The following ACSM3 variants were observed in gnomAD, a reference collection of about 807,000 sequenced individuals.
ACSM3 encodes acyl-CoA synthetase medium chain family member 3, also known as acyl-coenzyme A synthetase ACSM3, mitochondrial.
A neutral mutation model predicts 74.1 loss-of-function variants in ACSM3; 61 were observed. The observed-to-expected ratio is 0.82, with a 90% confidence interval of 0.67 to 1.02. The LOEUF (loss-of-function observed/expected upper bound fraction) is 1.02. ACSM3 is among the 50% of genes least tolerant of loss of function. The probability of loss-of-function intolerance (pLI) is 0.00; values close to 1 mark genes in which losing one functional copy is unlikely to be tolerated. For missense variants in ACSM3, 660 were observed against 697.0 expected (o/e 0.95, Z 0.60); for synonymous variants, 213 against 241.5 (o/e 0.88, Z 1.09).
At chr16:20,741,385 G>A in intron 1 of ACSM3, 2 of 1,229,036 alleles carry the variant, frequency 1.6e-6, no homozygotes, top group Non-Finnish European at 2.2e-6. Context: ...GCGAGGCCAC[G>A]CCCCTACAGC....
chr16:20,703,377 C>T (rs186861449), intron 1 of ACSM3: 1 of 152,314 alleles, frequency 6.6e-6, no homozygotes, highest in East Asian at 1.9e-4. Context: ...ATGGGAATAG[C>T]ATTGAATCTA....
At chr16:20,769,884 T>A (rs754373550) in intron 1 of ACSM3, 100 bp from the exon 2 acceptor site, 1 of 664,714 alleles carries the variant, frequency 1.5e-6, no homozygotes, top group Non-Finnish European at 2.6e-6. Flanking sequence ...AATGGTACTA[T>A]CATGATGATT....
intron 1 of ACSM3, among the ~76,000 whole-genome samples, chr16:20,745,099 C>T (rs2079952271): frequency 6.6e-6 from 1 of 152,210 alleles, no homozygotes; most frequent in Non-Finnish European, 1.5e-5. Flanking sequence ...CCTCGTCCAG[C>T]TCTAAATAAC....
At position 20,784,986 on chromosome 16, in the gene ACSM3, A is replaced by G. The variant is rs750153921; in HGVS notation, c.1022A>G (p.Tyr341Cys). ...RMLVQNDITS[Y>C]KFKSLKHCVS... ...AACTTATCTGGTTTTCTGAGAAGCTATAAGTTTAAAAGCTTAAAGCACTGT... is the reference window on the plus strand; with the variant it reads ...AACTTATCTGGTTTTCTGAGAAGCTGTAAGTTTAAAAGCTTAAAGCACTGT... Residue 341 changes from tyrosine to cysteine, a missense_variant and splice_region_variant, in exon 8 of 14, where the codon TAT becomes TGT. By Grantham distance (194) the Tyr-to-Cys change is radical (BLOSUM62 -2). Coordinates refer to ENST00000289416, the MANE Select transcript of ACSM3 (RefSeq NM_005622.4). The G allele has an allele frequency of 4.3e-5, 70 of 1,611,102 alleles. No individual in the cohort carries two copies. Among genetic ancestry groups the G allele is most frequent in the Non-Finnish European group, 5.5e-5 (65 of 1,179,040 alleles).
intron 7 of ACSM3, among the ~76,000 whole-genome samples, 178 bp downstream of exon 7, chr16:20,781,965 A>G (rs2080362356): frequency 6.6e-6 from 1 of 152,188 alleles, no homozygotes; most frequent in African/African-American, 2.4e-5. Context: ...TACTGTGACC[A>G]GGGCAAGATC....
At chr16:20,678,268 C>T (rs1475830752) in intron 1 of ACSM3, among the ~76,000 whole-genome samples, 2 of 152,022 alleles carry the variant, frequency 1.3e-5, no homozygotes, top group Admixed American at 6.6e-5. Flanking sequence ...TAAAACAGTT[C>T]CACCAAGGAA....
intron 1 of ACSM3, chr16:20,741,481 G>GGGGGGGGGGGGGCCCCCCCCCC: frequency 3.1e-6 from 4 of 1,308,406 alleles, no homozygotes; most frequent in Non-Finnish European, 4.0e-6. Flanking sequence ...CTGGCAGCCG[G>GGGGGGGGGGGGGCCCCCCCCCC]CCCGCCCGCC....
intron 1 of ACSM3, among the ~76,000 whole-genome samples, chr16:20,693,101 C>A (rs1390612735): frequency 6.6e-6 from 1 of 150,556 alleles, no homozygotes; most frequent in African/African-American, 2.5e-5. Flanking sequence ...ACCTGGGAGT[C>A]GGAGGTTGCA....
chr16:20,792,804 T>A, intron 12 of ACSM3: 3 of 716,622 alleles, frequency 4.2e-6, no homozygotes, highest in Non-Finnish European at 3.4e-6. Flanking sequence ...GGTAAATAAG[T>A]AGAGATTTCA....
At chr16:20,731,882 T>A (rs551183807) in intron 1 of ACSM3, 1 of 211,128 alleles carries the variant, frequency 4.7e-6, no homozygotes, top group East Asian at 1.4e-4. Context: ...AACTTGAAAA[T>A]GTTTTGTTAG....
Position 20,769,965 on chromosome 16 carries a change from C to T in ACSM3, c.-51-19C>T, listed in dbSNP as rs1260319813. The T allele has an allele frequency of 1.9e-5, 29 of 1,514,450 alleles. No homozygotes were observed. The East Asian group carries it at 6.5e-4, about 34-fold the overall frequency. 93.8% of individuals were successfully genotyped at this position (1,514,450 alleles called of 1,614,324 possible). A position where few individuals can be genotyped will look rare whatever the true frequency, so the allele number is the denominator to read the frequency against. ...TTCAGGACAGAAACAAATATATGTC[C>T]TTTTTGCTTGTCTTTTAGATGAACT... On this transcript the variant is annotated intron_variant, in intron 1 of 13. Coordinates refer to ENST00000289416, the MANE Select transcript of ACSM3 (RefSeq NM_005622.4).
intron 2 of ACSM3, among the ~76,000 whole-genome samples, chr16:20,774,468 C>T (rs1197410038): frequency 1.3e-5 from 2 of 152,170 alleles, no homozygotes; most frequent in African/African-American, 4.8e-5. Flanking sequence ...GTCTCGATTT[C>T]TTGACTTCGT....
rs2080739931 is a variant in ACSM3 at position 20,797,212 on chromosome 16, CTGAT to C, written c.*242_*245del. 2 of 1,216,714 alleles carry C rather than the reference CTGAT, an allele frequency of 1.6e-6. No homozygotes were observed. The highest frequency in any genetic ancestry group is 4.5e-5 in the South Asian group (2 of 44,414). The allele number at this position is 1,216,714 out of a possible 1,614,324, so 75.4% of individuals were successfully genotyped here. ...AATATAAAAATAATACCATCAATTG[CTGAT>C]TAATTTTTAAATGTATAGTATAGAA... is the stretch of plus-strand genomic sequence containing the variant. On this transcript the variant is annotated 3_prime_UTR_variant, in exon 14 of 14. Coordinates refer to ENST00000289416, the MANE Select transcript of ACSM3 (RefSeq NM_005622.4).
intron 1 of ACSM3, chr16:20,711,689 T>G (rs1596482864): frequency 3.7e-6 from 2 of 545,452 alleles, no homozygotes; most frequent in East Asian, 8.5e-5. Flanking sequence ...CAGTGAGTAT[T>G]TTTCCCAGCC....
Position 20,790,897 on chromosome 16 carries a change from A to G in ACSM3, c.1326+209A>G. 6.2e-7 allele frequency: 1 copy of G among 1,614,098 alleles called. No individual in the cohort carries two copies. ...CATGCTGGTCCCCTGAGGCCAGATC[A>G]CTGTTCCAGGTCCACGAAGGCAAGA... On this transcript the variant is annotated intron_variant, in intron 10 of 13. Coordinates refer to ENST00000289416, the MANE Select transcript of ACSM3 (RefSeq NM_005622.4). This position sits in a 1 kb window ranked among gnomAD's most constrained non-coding sequence, Gnocchi z 4.0.
Position 20,797,098 on chromosome 16 carries a change from T to C in ACSM3, c.*126T>C, listed in dbSNP as rs1470271975. 7.1e-7 allele frequency: 1 copy of C among 1,414,904 alleles called. No individual in the cohort carries two copies. Among genetic ancestry groups the C allele is most frequent in the Middle Eastern group, 2.6e-4 (1 of 3,824 alleles). The allele number at this position is 1,414,904 out of a possible 1,614,324, so 87.6% of individuals were successfully genotyped here. On this transcript the variant is annotated 3_prime_UTR_variant, in exon 14 of 14. Coordinates refer to ENST00000289416, the MANE Select transcript of ACSM3 (RefSeq NM_005622.4). The stretch of plus-strand genomic sequence containing the variant: ...GCTTAGAAACTGTTGATTTAAAATA[T>C]CTTGTGGTTATGATATCAGAGGCTA...
chr16:20,680,929 A>T (rs2079432039), intron 1 of ACSM3: 1 of 152,258 alleles, frequency 6.6e-6, no homozygotes, highest in South Asian at 2.1e-4. Context: ...ATTCCTCTAA[A>T]GCAAGGGGAA....
intron 1 of ACSM3, among the ~76,000 whole-genome samples, chr16:20,706,083 AGT>A (rs59605164): frequency 1.7e-4 from 25 of 149,714 alleles, no homozygotes; most frequent in African/African-American, 2.4e-4. Flanking sequence ...ATCGTGGAAC[AGT>A]GTGTGTGTGT....
chr16:20,698,294 A>T (rs993037525), intron 1 of ACSM3, among the ~76,000 whole-genome samples: 1 of 151,582 alleles, frequency 6.6e-6, no homozygotes, highest in Non-Finnish European at 1.5e-5. Context: ...GTGCATTTTC[A>T]CTAGTTCTCT....
Sources: allele counts gnomAD v4.1 joint callset (sites outside exome capture counted in the v4.1 genomes callset), GRCh38; gene constraint gnomAD v4.1.1; non-coding constraint Gnocchi (gnomAD v3.1); transcripts MANE v1.5; gene names NCBI Gene and HGNC (gene_info 2026-07-23, HGNC 2026-07-21).